Variants in MESP1 observed in about 807,000 individuals in gnomAD.
MESP1 encodes the protein mesoderm posterior bHLH transcription factor 1, also known as mesoderm posterior protein 1.
A neutral mutation model predicts 15.2 loss-of-function variants in MESP1; 22 were observed. The observed-to-expected ratio is 1.45, with a 90% CI of 1.04 to 2.07. The LOEUF (loss-of-function observed/expected upper bound fraction) is 2.07. Ranked by LOEUF, MESP1 falls within the 30% of genes most tolerant of loss-of-function variation. The probability of loss-of-function intolerance (pLI) is 0.00; values close to 1 mark genes in which losing one functional copy is unlikely to be tolerated. For synonymous variants in MESP1, 216 were observed against 192.6 expected (o/e 1.12, Z -1.01); for missense variants, 484 against 411.9 (o/e 1.17, Z -1.51).
the MESP1 span, chr15:89,743,267 C>G: frequency 4.2e-5 from 67 of 1,612,766 alleles, no homozygotes; most frequent in Non-Finnish European, 3.4e-6. Flanking sequence ...GGAGATTCCT[C>G]TCATCACAGT....
the MESP1 span, among the ~76,000 whole-genome samples, chr15:89,732,823 G>A: frequency 6.6e-6 from 1 of 152,042 alleles, no homozygotes; most frequent in African/African-American, 2.4e-5. Flanking sequence ...GCATTCCCCT[G>A]CAGGGGGCTT....
the MESP1 span, among the ~76,000 whole-genome samples, chr15:89,732,643 C>T: frequency 1.5e-5 from 2 of 136,420 alleles, no homozygotes; most frequent in Non-Finnish European, 3.2e-5. Flanking sequence ...ACACACACAC[C>T]GCCTTTTCTG....
the MESP1 span, chr15:89,735,390 T>G: frequency 3.6e-5 from 46 of 1,265,092 alleles, no homozygotes; most frequent in East Asian, 1.1e-3. Context: ...ACATATTTCT[T>G]GATTTCTCTG....
downstream of MESP1, among the ~76,000 whole-genome samples, chr15:89,747,125 C>T (rs1967984806): frequency 1.3e-5 from 2 of 149,716 alleles, no homozygotes; most frequent in Non-Finnish European, 3.0e-5. Context: ...CACACACACA[C>T]ACACACACAC....
In MESP1 at chr15:89,750,617, A is replaced by C; in HGVS notation, c.615T>G (p.Pro205=). Residue 205 remains proline (P), a synonymous_variant, in exon 1 of 2, where the codon CCT becomes CCG. Coordinates refer to ENST00000300057, the MANE Select transcript of MESP1 (RefSeq NM_018670.4). ...VRAGASWGSP[P]ACPGARAAPE... ...GTGCAGCTCGGGCTCCGGGGCAGGC[A>C]GGCGGGGATCCCCAGGACGCCCCGG... The C allele has an allele frequency of 1.4e-6, 2 of 1,390,706 alleles. No homozygotes were observed. The highest frequency in any genetic ancestry group is 1.8e-6 in the Non-Finnish European group (2 of 1,081,316). The allele number at this position is 1,390,706 out of a possible 1,614,324, so 86.1% of individuals were successfully genotyped here. A position where few individuals can be genotyped will look rare whatever the true frequency, so the allele number is the denominator to read the frequency against.
chr15:89,738,286 G>A, the MESP1 span: 1 of 1,515,332 alleles, frequency 6.6e-7, no homozygotes, highest in Non-Finnish European at 8.9e-7. Context: ...GTTGTCTCTG[G>A]ATTGAGGGAT....
At chr15:89,732,866 TTC>T in the MESP1 span, 1 of 750,884 alleles carries the variant, frequency 1.3e-6, no homozygotes, top group Admixed American at 2.1e-5. Flanking sequence ...TTTACTGATT[TTC>T]TCTCACAGGG....
chr15:89,742,474 TG>T, the MESP1 span, among the ~76,000 whole-genome samples: 1 of 152,166 alleles, frequency 6.6e-6, no homozygotes, highest in Non-Finnish European at 1.5e-5. Context: ...GGGTGAATCT[TG>T]GGCTTCTCTG....
At chr15:89,743,237 C>G in the MESP1 span, 4 of 1,588,768 alleles carry the variant, frequency 2.5e-6, no homozygotes, top group Non-Finnish European at 2.6e-6. Flanking sequence ...CCTGGGGGCT[C>G]GGGAGCTGGG....
At position 89,750,556 on chromosome 15, in the gene MESP1, C is replaced by T; in HGVS notation, c.676G>A (p.Ala226Thr). Residue 226 changes from alanine (A) to threonine (T), a missense_variant, in exon 1 of 2, where the codon GCG (alanine) becomes ACG (threonine). Physicochemically the swap from Ala to Thr is moderately conservative, Grantham distance 58. Coordinates refer to ENST00000300057, the MANE Select transcript of MESP1 (RefSeq NM_018670.4). ...ATCGCCTGCCCTTCAGGGCACGCCG[C>T]CTCGGCGAACAGCGCAGGCGGGTCG... Reference protein sequence around the residue: ...PRDPPALFAEAACPEGQAMEP... With the variant: ...PRDPPALFAETACPEGQAMEP... 6.8e-7 allele frequency: 1 copy of T among 1,472,516 alleles called. No individual in the cohort carries two copies. The highest frequency in any genetic ancestry group is 8.9e-7 in the Non-Finnish European group (1 of 1,119,222). 91.2% of individuals were successfully genotyped at this position (1,472,516 alleles called of 1,614,324 possible). A position where few individuals can be genotyped will look rare whatever the true frequency, so the allele number is the denominator to read the frequency against.
downstream of MESP1, chr15:89,748,609 T>A (rs1968019326): frequency 6.6e-6 from 1 of 152,202 alleles, no homozygotes; most frequent in South Asian, 2.1e-4. Context: ...GGAGGCAGCA[T>A]GATGAGCCTT....
At chr15:89,750,416 G>A (rs754148659) in intron 1 of MESP1, 93 bp downstream of exon 1, 5 of 1,455,646 alleles carry the variant, frequency 3.4e-6, no homozygotes, top group Non-Finnish European at 4.5e-6. Context: ...GCTGCCGGCG[G>A]GGAGCAGCAG....
the MESP1 span, among the ~76,000 whole-genome samples, chr15:89,732,759 C>G: frequency 2.0e-5 from 3 of 152,102 alleles, no homozygotes; most frequent in African/African-American, 7.2e-5. Flanking sequence ...GCTGACCCTG[C>G]CCTCCTCCAT....
chr15:89,735,433 A>G, the MESP1 span: 6 of 1,565,358 alleles, frequency 3.8e-6, no homozygotes, highest in Admixed American at 8.4e-5. Context: ...AGAAGAGGAT[A>G]TCAAAACTTT....
the MESP1 span, among the ~76,000 whole-genome samples, chr15:89,739,152 C>T: frequency 6.6e-6 from 1 of 151,342 alleles, no homozygotes; most frequent in South Asian, 2.1e-4. Context: ...GATTATTAGA[C>T]ACAATCCTTA....
rs747729321 is a variant in MESP1 at position 89,750,913 on chromosome 15, G to A, written c.319C>T (p.Arg107Cys). ...TLARALHELR[R>C]FLPPSVAPAG... The stretch of plus-strand genomic sequence containing the variant: ...GGCGCCACGGACGGCGGTAGAAAGC[G>A]GCGCAGCTCGTGCAGGGCGCGGGCC... The change falls in exon 1 of 2, where the codon CGC becomes TGC. Residue 107 changes from arginine to cysteine, a missense_variant. Arg to Cys is a radical substitution (Grantham distance 180). Coordinates refer to ENST00000300057, the MANE Select transcript of MESP1 (RefSeq NM_018670.4). 1.0e-5 allele frequency: 15 copies of A among 1,486,166 alleles called. No homozygotes were observed. The Admixed American group carries it at 1.4e-4, about 14-fold the overall frequency. The allele number at this position is 1,486,166 out of a possible 1,614,324, so 92.1% of individuals were successfully genotyped here.
the MESP1 span, among the ~76,000 whole-genome samples, chr15:89,733,916 T>C: frequency 6.6e-6 from 1 of 152,202 alleles, no homozygotes; most frequent in Non-Finnish European, 1.5e-5. Flanking sequence ...CACAGTAAAC[T>C]TCCATCAGTT....
the MESP1 span, among the ~76,000 whole-genome samples, chr15:89,744,416 TCTACA>T: frequency 6.6e-6 from 1 of 152,168 alleles, no homozygotes; most frequent in Non-Finnish European, 1.5e-5. Context: ...AGTAATTCCC[TCTACA>T]CAGCAGGTGC....
chr15:89,748,073 A>C (rs1313934740), downstream of MESP1, among the ~76,000 whole-genome samples: 4 of 152,390 alleles, frequency 2.6e-5, no homozygotes, highest in East Asian at 3.9e-4. Flanking sequence ...TCCCAGGCTC[A>C]GAGGCGGAGG....
Sources: gnomAD v4.1 joint callset for allele counts (sites outside exome capture counted in the v4.1 genomes callset) on GRCh38, gnomAD v4.1.1 for gene constraint, MANE v1.5 for transcripts, NCBI Gene and HGNC (gene_info 2026-07-23, HGNC 2026-07-21) for gene names.